Variants in PADI3 observed in about 807,000 individuals in gnomAD.
The protein encoded by PADI3 is peptidyl arginine deiminase 3.
In PADI3, 53 loss-of-function variants were observed where a neutral mutation model predicts 71.5. The ratio of observed to expected loss-of-function variants is 0.74; its 90% CI spans 0.59 to 0.93. The LOEUF is 0.93. Among genes scored for constraint, PADI3 ranks in the 40% least tolerant of loss-of-function variants. The probability of loss-of-function intolerance (pLI) is 0.00; values close to 1 mark genes in which losing one functional copy is unlikely to be tolerated. For synonymous variants in PADI3, 361 were observed against 347.5 expected (o/e 1.04, Z -0.43); for missense variants, 821 against 868.0 (o/e 0.95, Z 0.68).
At position 17,283,177 on chromosome 1, in the gene PADI3, C is replaced by A; in HGVS notation, c.*98C>A. 1 of 913,880 alleles carries A rather than the reference C, an allele frequency of 1.1e-6. No individual in the cohort carries two copies. Among genetic ancestry groups the A allele is most frequent in the Non-Finnish European group, 1.7e-6 (1 of 583,648 alleles). 56.6% of individuals were successfully genotyped at this position (913,880 alleles called of 1,614,324 possible). A position where few individuals can be genotyped will look rare whatever the true frequency, so the allele number is the denominator to read the frequency against. On this transcript the variant is annotated 3_prime_UTR_variant, in exon 16 of 16. Coordinates refer to ENST00000375460, the MANE Select transcript of PADI3 (RefSeq NM_016233.2). ...CTGAACGATAAGCACCAAGAGACCCCAAGGCTCCAGATGGAACACTGAGGG... is the reference window on the plus strand; with the variant it reads ...CTGAACGATAAGCACCAAGAGACCCAAAGGCTCCAGATGGAACACTGAGGG...
At chr1:17,251,687 C>T (rs757819206) in intron 1 of PADI3, among the ~76,000 whole-genome samples, 26 of 152,220 alleles carry the variant, frequency 1.7e-4, no homozygotes, top group Non-Finnish European at 2.9e-4. Context: ...GGCCTTACTT[C>T]AAAGGGCAGT....
intron 13 of PADI3, among the ~76,000 whole-genome samples, chr1:17,277,401 G>T (rs1488173401): frequency 1.3e-5 from 2 of 152,116 alleles, no homozygotes; most frequent in African/African-American, 4.8e-5. Flanking sequence ...CTCCATGTTG[G>T]TCAGGCTGGT....
rs2073333696 is a variant in PADI3 at position 17,276,566 on chromosome 1, C to T, written c.1355C>T (p.Ala452Val). 1 of 1,614,148 alleles carries T rather than the reference C, an allele frequency of 6.2e-7. No homozygotes were observed. Among genetic ancestry groups the T allele is most frequent in the Non-Finnish European group, 8.5e-7 (1 of 1,180,028 alleles). ...VTQVVRDFLHAQKVQPPVELF... is the reference protein window; with the variant it reads ...VTQVVRDFLHVQKVQPPVELF... ...CAGGTGGTGCGGGACTTCCTCCATGCCCAGAAGGTGCAGCCCCCCGTGGAG... is the reference window on the plus strand; with the variant it reads ...CAGGTGGTGCGGGACTTCCTCCATGTCCAGAAGGTGCAGCCCCCCGTGGAG... Residue 452 changes from alanine (A) to valine (V), a missense_variant, in exon 12 of 16, where the codon GCC becomes GTC. Transcript: ENST00000375460.
At position 17,276,525 on chromosome 1, in the gene PADI3, T is replaced by C; in HGVS notation, c.1314T>C (p.Ser438=). Residue 438 remains serine, a synonymous_variant, in exon 12 of 16, where the codon AGT becomes AGC. Coordinates refer to ENST00000375460, the MANE Select transcript of PADI3 (RefSeq NM_016233.2). The part of the protein sequence containing the change: ...ILIGGNLPGS[S]GRRVTQVVRD... ...TTAACCTCGTGGGTCCCAGGTCAAG[T>C]GGCCGCAGGGTCACCCAGGTGGTGC... is the stretch of plus-strand genomic sequence containing the variant. The C allele has an allele frequency of 1.2e-6, 2 of 1,614,036 alleles. No individual in the cohort carries two copies. Among genetic ancestry groups the C allele is most frequent in the South Asian group, 1.1e-5 (1 of 91,066 alleles).
In PADI3 at chr1:17,283,163, G is replaced by A. The variant is rs1170515311; in HGVS notation, c.*84G>A. The A allele has an allele frequency of 1.2e-5, 13 of 1,043,102 alleles. No homozygotes were observed. Among genetic ancestry groups the A allele is most frequent in the Non-Finnish European group, 1.6e-5 (11 of 690,944 alleles). 64.6% of individuals were successfully genotyped at this position (1,043,102 alleles called of 1,614,324 possible). A position where few individuals can be genotyped will look rare whatever the true frequency, so the allele number is the denominator to read the frequency against. ...ACAGAGACAGGCCCCTGAACGATAA[G>A]CACCAAGAGACCCCAAGGCTCCAGA... On this transcript the variant is annotated 3_prime_UTR_variant, in exon 16 of 16. Coordinates refer to ENST00000375460, the MANE Select transcript of PADI3 (RefSeq NM_016233.2).
At chr1:17,264,849 A>T (rs2073145591) in intron 3 of PADI3, among the ~76,000 whole-genome samples, 1 of 151,990 alleles carries the variant, frequency 6.6e-6, no homozygotes, top group East Asian at 1.9e-4. Context: ...TGCCTCTATG[A>T]AAGATACAAA....
chr1:17,251,816 G>A (rs939047262), intron 1 of PADI3, among the ~76,000 whole-genome samples: 1 of 152,076 alleles, frequency 6.6e-6, no homozygotes, highest in Non-Finnish European at 1.5e-5. Flanking sequence ...CTTTGTCCTG[G>A]GCCTGTGGAC....
chr1:17,252,528 C>T lies in PADI3; in HGVS notation c.92+3299C>T, dbSNP rs6669280. 3.2e-3 allele frequency among the ~76,000 whole-genome samples: 479 copies of T among 152,052 alleles called. 1 individual carries two copies. Among genetic ancestry groups the T allele is most frequent in the African/African-American group, 0.011 (458 of 41,462 alleles). On this transcript the variant is annotated intron_variant, in intron 1 of 15. Transcript: ENST00000375460. Reference sequence around the variant, plus strand: ...AAGCTATCCTCCCGCCTCAGCCTCCCGAGTAGCTGGGACTACAGGCGTGCA... The same window carrying T: ...AAGCTATCCTCCCGCCTCAGCCTCCTGAGTAGCTGGGACTACAGGCGTGCA...
In PADI3 at chr1:17,270,367, G is replaced by C; in HGVS notation, c.787G>C (p.Gly263Arg). ...GLSFPDAGFT[G>R]LISFHVTLLD... ...GTCCTTCCCTGATGCCGGCTTCACA[G>C]GACTCATCTCCTTCCATGTCACTCT... The change falls in exon 7 of 16, where the codon GGA becomes CGA. Residue 263 changes from glycine (G) to arginine (R), a missense_variant. Coordinates refer to ENST00000375460, the MANE Select transcript of PADI3 (RefSeq NM_016233.2). 2 of 1,613,926 alleles carry C rather than the reference G, an allele frequency of 1.2e-6. No individual in the cohort carries two copies. Among genetic ancestry groups the C allele is most frequent in the South Asian group, 2.2e-5 (2 of 91,066 alleles).
intron 1 of PADI3, among the ~76,000 whole-genome samples, chr1:17,254,716 C>CA (rs1198745648): frequency 1.6e-5 from 2 of 126,404 alleles, no homozygotes; most frequent in Non-Finnish European, 3.3e-5. Context: ...CAGGCTCCAG[C>CA]ATTTTTTTTT....
At chr1:17,260,579 C>T (rs1020174650) in intron 2 of PADI3, among the ~76,000 whole-genome samples, 3 of 152,262 alleles carry the variant, frequency 2.0e-5, no homozygotes, top group Non-Finnish European at 4.4e-5. Context: ...GTAACTGTCC[C>T]GGGACCGCAC....
intron 1 of PADI3, among the ~76,000 whole-genome samples, chr1:17,256,322 C>G (rs746305199): frequency 6.6e-6 from 1 of 152,182 alleles, no homozygotes; most frequent in African/African-American, 2.4e-5. Context: ...GTTAATGGGC[C>G]CAGAGAGACT....
intron 1 of PADI3, among the ~76,000 whole-genome samples, chr1:17,255,684 T>G (rs1569878496): frequency 6.6e-6 from 1 of 152,174 alleles, no homozygotes; most frequent in South Asian, 2.1e-4. Context: ...GGACTGGAAG[T>G]CAGCAGCCCT....
rs758461815 is a variant in PADI3 at position 17,259,720 on chromosome 1, G to A, written c.235G>A (p.Val79Ile). Reference sequence around the variant, plus strand: ...TGACGCGACTTTGGAGATCATCGTGGTCATGAACTCCCCCAGCAATGACCT... The same window carrying A: ...TGACGCGACTTTGGAGATCATCGTGATCATGAACTCCCCCAGCAATGACCT... ...RFDATLEIIVVMNSPSNDLND... is the reference protein window; with the variant it reads ...RFDATLEIIVIMNSPSNDLND... The change falls in exon 2 of 16, where the codon GTC becomes ATC. Residue 79 changes from valine to isoleucine, a missense_variant. Coordinates refer to ENST00000375460, the MANE Select transcript of PADI3 (RefSeq NM_016233.2). 1.9e-6 allele frequency: 3 copies of A among 1,612,436 alleles called. No individual in the cohort carries two copies. In the South Asian group the frequency reaches 3.3e-5, roughly 18 times the overall value.
At chr1:17,264,086 T>C (rs1310574826) in intron 3 of PADI3, among the ~76,000 whole-genome samples, 1 of 152,238 alleles carries the variant, frequency 6.6e-6, no homozygotes, top group Non-Finnish European at 1.5e-5. Flanking sequence ...CCAAAAACAC[T>C]GTATCAGTAT....
intron 3 of PADI3, among the ~76,000 whole-genome samples, chr1:17,263,464 T>A (rs972326032): frequency 1.3e-5 from 2 of 152,138 alleles, no homozygotes; most frequent in Non-Finnish European, 2.9e-5. Flanking sequence ...TAAATGAACT[T>A]GGAGCCCTAC....
intron 5 of PADI3, 56 bp from the exon 6 acceptor site, chr1:17,267,781 A>AAGGGGCC: frequency 2.5e-6 from 4 of 1,596,560 alleles, no homozygotes; most frequent in Non-Finnish European, 3.4e-6. Context: ...GCAGCAGAGG[A>AAGGGGCC]AGGGGCCAGG....
intron 7 of PADI3, 28 bp downstream of exon 7, chr1:17,270,439 C>T (rs1030097102): frequency 5.6e-6 from 9 of 1,593,010 alleles, no homozygotes; most frequent in African/African-American, 1.4e-5. Flanking sequence ...TCAAGAGGAG[C>T]TCCACTCGGG....
intron 6 of PADI3, 110 bp downstream of exon 6, chr1:17,268,072 G>A: frequency 7.7e-7 from 1 of 1,299,116 alleles, no homozygotes; most frequent in Non-Finnish European, 1.1e-6. Context: ...TACACTCCGG[G>A]AGATGCCCTG....
Sources: gnomAD v4.1 joint callset for allele counts (sites outside exome capture counted in the v4.1 genomes callset) on GRCh38, gnomAD v4.1.1 for gene constraint, MANE v1.5 for transcripts, NCBI Gene and HGNC (gene_info 2026-07-23, HGNC 2026-07-21) for gene names.